Variants in SNX8 observed in about 807,000 individuals in gnomAD.
SNX8 encodes the protein sorting nexin-8.
In SNX8, 25 loss-of-function variants were observed where a neutral mutation model predicts 51.6. That is an observed-to-expected ratio of 0.48 (90% CI 0.35 to 0.68). The LOEUF is 0.68. Ranked by LOEUF, SNX8 falls within the 30% of genes least tolerant of loss-of-function variation. The pLI is 0.00. For missense variants in SNX8, 695 were observed against 624.0 expected, an observed-to-expected ratio of 1.11 and a Z score of -1.21; for synonymous variants, 324 against 277.0, an observed-to-expected ratio of 1.17 and a Z score of -1.68.
At chr7:2,299,161 T>C (rs546096793) in intron 1 of SNX8, among the ~76,000 whole-genome samples, 10 of 151,738 alleles carry the variant, frequency 6.6e-5, no homozygotes, top group African/African-American at 2.4e-4. Flanking sequence ...TGAGGTTCCG[T>C]GGATGATTAC....
intron 1 of SNX8, among the ~76,000 whole-genome samples, chr7:2,312,959 G>T (rs62442539): frequency 2.6e-5 from 4 of 151,788 alleles, no homozygotes; most frequent in African/African-American, 4.8e-5. Flanking sequence ...GTGCAGTGGC[G>T]CTATCTCGGC....
chr7:2,335,802 C>CAAAAA (rs1173439746), intron 1 of SNX8, among the ~76,000 whole-genome samples: 1 of 30,642 alleles, frequency 3.3e-5, no homozygotes, highest in Non-Finnish European at 7.5e-5. Context: ...GACTCTGTCT[C>CAAAAA]AAAAAAAAAA....
chr7:2,344,430 T>C (rs910837294), intron 1 of SNX8, among the ~76,000 whole-genome samples: 1 of 146,802 alleles, frequency 6.8e-6, no homozygotes, highest in Admixed American at 6.9e-5. Context: ...GCTGAGATGG[T>C]GAAACCCCGT....
rs537531404 is a variant in SNX8, at chr7:2,304,327, G to A, written c.94+10001C>T. Among the ~76,000 whole-genome samples, 1,169 of 151,626 alleles carry A rather than the reference G, an allele frequency of 7.7e-3. 4 individuals carry two copies. The highest frequency in any genetic ancestry group is 0.015 in the South Asian group (71 of 4,810). On this transcript the variant is annotated intron_variant, in intron 1 of 10. Transcript: ENST00000222990. ...TGGGAGGCCAAGGTGGGCAGATCAC[G>A]AGGTCAGGAGATAGAGACCATCCTG...
At chr7:2,257,930 A>C (rs905629392) in intron 7 of SNX8, 127 bp from the exon 8 acceptor site, 2 of 854,264 alleles carry the variant, frequency 2.3e-6, no homozygotes. Flanking sequence ...CCCCAGGACC[A>C]CCAGCCAGGT....
intron 1 of SNX8, among the ~76,000 whole-genome samples, chr7:2,321,148 AAC>A (rs1344203304): frequency 6.6e-6 from 1 of 152,210 alleles, no homozygotes; most frequent in Non-Finnish European, 1.5e-5. Flanking sequence ...GGTGGAGAAG[AAC>A]ACAGCAGAAT....
intron 1 of SNX8, among the ~76,000 whole-genome samples, chr7:2,291,031 C>A (rs935788922): frequency 1.3e-5 from 2 of 152,126 alleles, no homozygotes; most frequent in African/African-American, 4.8e-5. Flanking sequence ...CACTGGCTCA[C>A]GCCTGCAATC....
At position 2,253,213 on chromosome 7, in the gene SNX8, G is replaced by A. The variant is rs1340418757; in HGVS notation, c.*1843C>T. The A allele has an allele frequency of 6.6e-6, 1 of 151,096 alleles. No individual in the cohort carries two copies. The allele number at this position is 151,096 out of a possible 1,614,324, so 9.4% of individuals were successfully genotyped here. A position where few individuals can be genotyped will look rare whatever the true frequency, so the allele number is the denominator to read the frequency against. On this transcript the variant is annotated 3_prime_UTR_variant, in exon 11 of 11. Coordinates refer to ENST00000222990, the MANE Select transcript of SNX8 (RefSeq NM_013321.4). ...CTGCCAGGAAAGCTCCTTCAGAAAAGCTCATTCTGAAGTCTTGCTCAATCC... is the reference window on the plus strand; with the variant it reads ...CTGCCAGGAAAGCTCCTTCAGAAAAACTCATTCTGAAGTCTTGCTCAATCC...
intron 1 of SNX8, among the ~76,000 whole-genome samples, chr7:2,340,188 A>G (rs886775157): frequency 6.6e-6 from 1 of 151,506 alleles, no homozygotes; most frequent in Non-Finnish European, 1.5e-5. Context: ...TCAGCTTCCC[A>G]AGTAGCTGGG....
At chr7:2,346,543 C>A (rs555174904) in intron 1 of SNX8, among the ~76,000 whole-genome samples, 1 of 151,102 alleles carries the variant, frequency 6.6e-6, no homozygotes, top group Non-Finnish European at 1.5e-5. Flanking sequence ...GTCAGGAGAT[C>A]GAGACCATCC....
chr7:2,272,031 C>A, intron 3 of SNX8, 60 bp from the exon 4 acceptor site: 1 of 1,603,046 alleles, frequency 6.2e-7, no homozygotes, highest in African/African-American at 1.3e-5. Flanking sequence ...ATCTTCTGCT[C>A]TGGGCGAGTT....
At chr7:2,346,131 C>T (rs1003712020) in intron 1 of SNX8, among the ~76,000 whole-genome samples, 1 of 152,000 alleles carries the variant, frequency 6.6e-6, no homozygotes, top group Non-Finnish European at 1.5e-5. Context: ...GCATATGGGT[C>T]TACTATAAAT....
In SNX8 at chr7:2,298,342, T is replaced by C. The variant is rs1020791242; in HGVS notation, c.94+15986A>G. Among the ~76,000 whole-genome samples, 8 of 152,056 alleles carry C rather than the reference T, an allele frequency of 5.3e-5. 1 individual carries two copies. The highest frequency in any genetic ancestry group is 1.3e-4 in the Admixed American group (2 of 15,266). On this transcript the variant is annotated intron_variant, in intron 1 of 10. Transcript: ENST00000222990. The stretch of plus-strand genomic sequence containing the variant: ...CTATGGTGCCCAGGCTCTGAACTTT[T>C]CTTTTTCGTTTTATTTTTGGTTTGG...
chr7:2,297,104 C>A (rs1478827348), intron 1 of SNX8, among the ~76,000 whole-genome samples: 1 of 151,914 alleles, frequency 6.6e-6, no homozygotes, highest in East Asian at 1.9e-4. Flanking sequence ...AGATGTGGTA[C>A]AGAGGGAATG....
intron 1 of SNX8, among the ~76,000 whole-genome samples, chr7:2,310,879 A>G (rs1000963917): frequency 1.3e-5 from 2 of 152,232 alleles, no homozygotes; most frequent in African/African-American, 2.4e-5. Flanking sequence ...TCCTGAGTAC[A>G]TATATGAATA....
At position 2,293,689 on chromosome 7, in the gene SNX8, G is replaced by C. The variant is rs553324685; in HGVS notation, c.95-15384C>G. Reference sequence around the variant, plus strand: ...AAATTAAAAAAAGAGGCCAGGCCAGGCATGGTGGCTCACGCCTGTAATCCC... The same window carrying C: ...AAATTAAAAAAAGAGGCCAGGCCAGCCATGGTGGCTCACGCCTGTAATCCC... On this transcript the variant is annotated intron_variant, in intron 1 of 10. Coordinates refer to ENST00000222990, the MANE Select transcript of SNX8 (RefSeq NM_013321.4). 4.0e-5 allele frequency among the ~76,000 whole-genome samples: 6 copies of C among 151,838 alleles called. No homozygotes were observed. In the South Asian group the frequency reaches 1.3e-3, roughly 32 times the overall value.
Position 2,254,911 on chromosome 7 carries a change from C to A in SNX8, c.*145G>T, listed in dbSNP as rs1795137266. On this transcript the variant is annotated 3_prime_UTR_variant, in exon 11 of 11. Coordinates refer to ENST00000222990, the MANE Select transcript of SNX8 (RefSeq NM_013321.4). ...ATGGTCCACGGATGCGCCTCCCGAC[C>A]CGCAGGCGTGAGCTCCTCTGCTCCA... 1.5e-6 allele frequency: 1 copy of A among 665,290 alleles called. No individual in the cohort carries two copies. The allele number at this position is 665,290 out of a possible 1,614,324, so 41.2% of individuals were successfully genotyped here. A position where few individuals can be genotyped will look rare whatever the true frequency, so the allele number is the denominator to read the frequency against.
intron 2 of SNX8, 136 bp downstream of exon 2, chr7:2,277,964 C>G: frequency 7.2e-7 from 1 of 1,392,754 alleles, no homozygotes; most frequent in Non-Finnish European, 9.5e-7. Flanking sequence ...GCTGCGAGTT[C>G]TGGATCTTGC....
intron 1 of SNX8, among the ~76,000 whole-genome samples, chr7:2,348,696 T>C (rs1779080686): frequency 1.3e-5 from 2 of 150,096 alleles, no homozygotes; most frequent in Admixed American, 1.3e-4. Flanking sequence ...CTCACACCTG[T>C]AATTCCAGCA....
Sources: allele counts gnomAD v4.1 joint callset (sites outside exome capture counted in the v4.1 genomes callset), GRCh38; gene constraint gnomAD v4.1.1; transcripts MANE v1.5; gene names NCBI Gene and HGNC (gene_info 2026-07-23, HGNC 2026-07-21).